ZP1: variants seen among roughly 807,000 people sequenced by gnomAD.
The protein encoded by ZP1 is zona pellucida glycoprotein 1.
Under a neutral mutation model 67.4 loss-of-function variants are expected in ZP1, and 58 were observed. The observed-to-expected ratio is 0.86, with a 90% confidence interval of 0.70 to 1.07. The LOEUF (loss-of-function observed/expected upper bound fraction) is 1.07. Among genes scored for constraint, ZP1 ranks in the 50% least tolerant of loss-of-function variants. The pLI is 0.00. For missense variants in ZP1, 759 were observed against 807.3 expected (o/e 0.94, Z 0.72); for synonymous variants, 333 against 332.7 (o/e 1.00, Z -0.01).
At position 60,871,114 on chromosome 11, in the gene ZP1, C is replaced by A. The variant is rs371543251; in HGVS notation, c.984C>A (p.Phe328Leu). ...CGGAAGCTTTCGTGGTCTTCTACTT[C>A]CCTCTCACCCACTGTGGAACCACAA... ...QHTEAFVVFYFPLTHCGTTMQ... is the reference protein window; with the variant it reads ...QHTEAFVVFYLPLTHCGTTMQ... The change falls in exon 5 of 12, where the codon TTC (phenylalanine) becomes TTA (leucine). Residue 328 changes from phenylalanine to leucine, a missense_variant. Coordinates refer to ENST00000278853, the MANE Select transcript of ZP1 (RefSeq NM_207341.4). The A allele has an allele frequency of 1.6e-5, 26 of 1,614,136 alleles. No individual in the cohort carries two copies. Among genetic ancestry groups the A allele is most frequent in the Non-Finnish European group, 2.0e-5 (24 of 1,180,002 alleles).
intron 1 of ZP1, 61 bp downstream of exon 1, chr11:60,867,818 G>A (rs1365284715): frequency 1.9e-5 from 30 of 1,552,454 alleles, no homozygotes; most frequent in Non-Finnish European, 2.4e-5. Context: ...CCAGAAGGGA[G>A]CTGGGACCCT....
intron 6 of ZP1, 168 bp from the exon 7 acceptor site, chr11:60,872,994 T>G: frequency 1.3e-6 from 1 of 741,562 alleles, no homozygotes; most frequent in South Asian, 2.5e-5. Context: ...CAGGGTGAGC[T>G]TCCTGAGCCT....
chr11:60,869,700 C>T lies in ZP1; in HGVS notation c.482C>T (p.Thr161Ile). Reference sequence around the variant, plus strand: ...ATGTTCTCTGTCTCAACCCCACAAACCCTTTCCTTCCTCCCCACCTCTGGC... The same window carrying T: ...ATGTTCTCTGTCTCAACCCCACAAATCCTTTCCTTCCTCCCCACCTCTGGC... ...PAMFSVSTPQ[T>I]LSFLPTSGHT... The change falls in exon 3 of 12, where the codon ACC becomes ATC. Residue 161 changes from threonine (T) to isoleucine (I), a missense_variant. By Grantham distance (89) the Thr-to-Ile change is moderately conservative. Transcript: ENST00000278853. 1 of 1,614,136 alleles carries T rather than the reference C, an allele frequency of 6.2e-7. No individual in the cohort carries two copies. Among genetic ancestry groups the T allele is most frequent in the Non-Finnish European group, 8.5e-7 (1 of 1,179,996 alleles).
At chr11:60,870,791 G>A in intron 4 of ZP1, 166 bp from the exon 5 acceptor site, 1 of 797,046 alleles carries the variant, frequency 1.3e-6, no homozygotes, top group South Asian at 1.7e-5. Context: ...TCACATGGAT[G>A]AGAAAATCAG....
At chr11:60,874,398 G>A (rs1183052087) in intron 9 of ZP1, among the ~76,000 whole-genome samples, 2 of 152,214 alleles carry the variant, frequency 1.3e-5, no homozygotes, top group Non-Finnish European at 2.9e-5. Flanking sequence ...TTCTGGTCCC[G>A]TAGGGCACTG....
rs1855523911 is a variant in ZP1 at position 60,869,365 on chromosome 11, G to A, written c.318+99G>A. 21 of 1,550,004 alleles carry A rather than the reference G, an allele frequency of 1.4e-5. No individual in the cohort carries two copies. The South Asian group carries it at 2.5e-4, about 18-fold the overall frequency. On this transcript the variant is annotated intron_variant, in intron 2 of 11. Transcript: ENST00000278853. ...GAACCAGAAAGGAGCCAAAGCCGAA[G>A]ATCTGTTGAGCTGGTGGGTGAGGGA...
chr11:60,867,832 C>A, intron 1 of ZP1, 75 bp downstream of exon 1: 1 of 1,511,474 alleles, frequency 6.6e-7, no homozygotes. Flanking sequence ...GGACCCTTCC[C>A]CTGAAGGAGC....
intron 10 of ZP1, 25 bp from the exon 11 acceptor site, chr11:60,875,103 CA>C: frequency 6.2e-7 from 1 of 1,613,644 alleles, no homozygotes; most frequent in Non-Finnish European, 8.5e-7. Flanking sequence ...GAGACCAGCC[CA>C]AGATTTCATT....
Position 60,869,862 on chromosome 11 carries a change from C to T in ZP1, c.644C>T (p.Thr215Ile), listed in dbSNP as rs765051485. 4 of 1,585,758 alleles carry T rather than the reference C, an allele frequency of 2.5e-6. No individual in the cohort carries two copies. The South Asian group carries it at 4.6e-5, about 18-fold the overall frequency. Reference sequence around the variant, plus strand: ...ACCCTGGCTCAACCCCACTGGGGCACCTTGGAACACTGGGATGTGAACAAA... The same window carrying T: ...ACCCTGGCTCAACCCCACTGGGGCATCTTGGAACACTGGGATGTGAACAAA... The part of the protein sequence containing the change: ...LATLAQPHWG[T>I]LEHWDVNKRD... The change falls in exon 3 of 12, where the codon ACC (threonine) becomes ATC (isoleucine). Residue 215 changes from threonine (T) to isoleucine (I), a missense_variant. Transcript: ENST00000278853.
Position 60,873,363 on chromosome 11 carries a change from C to T in ZP1, c.1241-12C>T, listed in dbSNP as rs1490489214. On this transcript the variant is annotated splice_polypyrimidine_tract_variant and intron_variant, in intron 7 of 11. Transcript: ENST00000278853. ...ACAGCCCGCCCTGGCTCATGAGTCA[C>T]TCTCCCTGCAGACGAGACCTTCAGC... 4.4e-6 allele frequency: 7 copies of T among 1,596,872 alleles called. No individual in the cohort carries two copies. The highest frequency in any genetic ancestry group is 6.0e-6 in the Non-Finnish European group (7 of 1,166,194).
chr11:60,867,801 G>A (rs749190582), intron 1 of ZP1, 44 bp downstream of exon 1: 30 of 1,586,556 alleles, frequency 1.9e-5, no homozygotes, highest in Non-Finnish European at 2.6e-5. Flanking sequence ...CTGGCCACGG[G>A]CTGCTGCCAG....
intron 6 of ZP1, 34 bp from the exon 7 acceptor site, chr11:60,873,128 T>G (rs1855613031): frequency 6.6e-7 from 1 of 1,518,844 alleles, no homozygotes; most frequent in African/African-American, 1.4e-5. Context: ...TGATTCTGTG[T>G]CTTCTCCCCC....
intron 11 of ZP1, 125 bp downstream of exon 11, chr11:60,875,373 G>A: frequency 6.6e-7 from 1 of 1,509,950 alleles, no homozygotes; most frequent in Middle Eastern, 2.2e-4. Context: ...CAGTCAGTGG[G>A]GAACTAAGTG....
chr11:60,870,536 G>A, intron 4 of ZP1, 61 bp downstream of exon 4: 1 of 1,524,240 alleles, frequency 6.6e-7, no homozygotes, highest in Non-Finnish European at 8.8e-7. Flanking sequence ...AAGGAGAGCT[G>A]TCTCCTCCAG....
At chr11:60,870,027 T>C (rs1391575222) in intron 3 of ZP1, 127 bp downstream of exon 3, 5 of 1,181,436 alleles carry the variant, frequency 4.2e-6, no homozygotes, top group Middle Eastern at 2.1e-4. Flanking sequence ...TAGAAAAAGA[T>C]GATTCTTTTA....
intron 6 of ZP1, among the ~76,000 whole-genome samples, chr11:60,872,035 G>C (rs943076329): frequency 1.3e-5 from 2 of 152,176 alleles, no homozygotes; most frequent in African/African-American, 4.8e-5. Context: ...GTGAGGGTTG[G>C]GGAGCAGGGG....
Position 60,870,376 on chromosome 11 carries a change from C to A in ZP1, c.727C>A (p.Leu243Ile), listed in dbSNP as rs754328852. Reference sequence around the variant, plus strand: ...GCAGTGCCAGGTGGCCTCAGGGCACCTCCCCTGCATCGTGAGAAGAACTTC... The same window carrying A: ...GCAGTGCCAGGTGGCCTCAGGGCACATCCCCTGCATCGTGAGAAGAACTTC... ...QEQCQVASGH[L>I]PCIVRRTSKE... The change falls in exon 4 of 12, where the codon CTC (leucine) becomes ATC (isoleucine). Residue 243 changes from leucine (L) to isoleucine (I), a missense_variant. Leu to Ile is a conservative substitution (Grantham distance 5). Transcript: ENST00000278853. 6.2e-7 allele frequency: 1 copy of A among 1,612,456 alleles called. No homozygotes were observed. The highest frequency in any genetic ancestry group is 8.5e-7 in the Non-Finnish European group (1 of 1,179,386).
Position 60,871,049 on chromosome 11 carries a change from C to G in ZP1, c.919C>G (p.Leu307Val), listed in dbSNP as rs1221420445. 6.2e-7 allele frequency: 1 copy of G among 1,614,234 alleles called. No homozygotes were observed. The highest frequency in any genetic ancestry group is 8.5e-7 in the Non-Finnish European group (1 of 1,180,048). The change falls in exon 5 of 12, where the codon CTG (leucine) becomes GTG (valine). Residue 307 changes from leucine (L) to valine (V), a missense_variant. By Grantham distance (32) the Leu-to-Val change is conservative. Transcript: ENST00000278853. Reference sequence around the variant, plus strand: ...CAGGATCACACTGGCCAACATCCACCTGGCCTATGCCCCCACCAGCTGCTC... The same window carrying G: ...CAGGATCACACTGGCCAACATCCACGTGGCCTATGCCCCCACCAGCTGCTC... Reference protein sequence around the residue: ...THRITLANIHLAYAPTSCSPT... With the variant: ...THRITLANIHVAYAPTSCSPT...
Position 60,873,174 on chromosome 11 carries a change from C to T in ZP1, c.1125C>T (p.Arg375=). 6.3e-7 allele frequency: 1 copy of T among 1,592,314 alleles called. No homozygotes were observed. Residue 375 remains arginine, a synonymous_variant, in exon 7 of 12, where the codon CGC becomes CGT. Transcript: ENST00000278853. ...TRDSTFQLHV[R]CVFNASDFLP... ...ACGTGGACTTCAGGCTTCATGTGCGCTGTGTCTTCAACGCCAGTGACTTCC... is the reference window on the plus strand; with the variant it reads ...ACGTGGACTTCAGGCTTCATGTGCGTTGTGTCTTCAACGCCAGTGACTTCC...
Sources: gnomAD v4.1 joint callset for allele counts (sites outside exome capture counted in the v4.1 genomes callset) on GRCh38, gnomAD v4.1.1 for gene constraint, MANE v1.5 for transcripts, NCBI Gene and HGNC (gene_info 2026-07-23, HGNC 2026-07-21) for gene names.